The following PCP4 variants were observed in gnomAD, a reference collection of about 807,000 sequenced individuals.
The protein encoded by PCP4 is Purkinje cell protein 4, also known as calmodulin regulator protein PCP4.
In PCP4, 8 loss-of-function variants were observed where a neutral mutation model predicts 10.0. That is an observed-to-expected ratio of 0.80 (90% CI 0.47 to 1.45). The LOEUF (loss-of-function observed/expected upper bound fraction) is 1.45, where lower values mean the gene tolerates loss of function less well. Among genes scored for constraint, PCP4 ranks in the 40% most tolerant of loss-of-function variants. The pLI, the probability that PCP4 is intolerant of heterozygous loss-of-function variation, is 0.00. For missense variants in PCP4, 54 were observed against 74.4 expected, an observed-to-expected ratio of 0.73 and a Z score of 1.01; for synonymous variants, 21 against 23.0, an observed-to-expected ratio of 0.91 and a Z score of 0.24.
intron 2 of PCP4, among the ~76,000 whole-genome samples, chr21:39,908,118 A>G (rs926137526): frequency 7.9e-5 from 12 of 152,232 alleles, no homozygotes; most frequent in Non-Finnish European, 1.6e-4. Flanking sequence ...CTTCAGAAAA[A>G]AAAAGCAAGA....
intron 1 of PCP4, among the ~76,000 whole-genome samples, chr21:39,871,004 T>C (rs1183230851): frequency 6.6e-6 from 1 of 152,222 alleles, no homozygotes; most frequent in African/African-American, 2.4e-5. Context: ...TAGATACACA[T>C]GTCTGTTCTT....
intron 1 of PCP4, among the ~76,000 whole-genome samples, chr21:39,894,785 G>A (rs1281854589): frequency 1.3e-5 from 2 of 152,188 alleles, no homozygotes; most frequent in African/African-American, 4.8e-5. Flanking sequence ...GGCAACATAT[G>A]TTCTTAGGAT....
At chr21:39,910,607 G>A (rs1350043178) in intron 2 of PCP4, among the ~76,000 whole-genome samples, 2 of 152,218 alleles carry the variant, frequency 1.3e-5, no homozygotes, top group Non-Finnish European at 2.9e-5. Context: ...TTCCTCCCAG[G>A]TAACTCTGAG....
chr21:39,918,393 T>G (rs1005167794), intron 2 of PCP4, among the ~76,000 whole-genome samples: 2 of 152,104 alleles, frequency 1.3e-5, no homozygotes, highest in African/African-American at 4.8e-5. Flanking sequence ...TAATAGGAAA[T>G]AGATGACCGA....
In PCP4 at chr21:39,900,159, T is replaced by TGAGTAG. The variant is rs566803323; in HGVS notation, c.61+1633_61+1638dup. ...AAGTGATTCTCCTGCCTCAGCCTCTTGAGTAGCTGGGATTACAGGCACCCA... is the reference window on the plus strand; with the variant it reads ...AAGTGATTCTCCTGCCTCAGCCTCTTGAGTAGGAGTAGCTGGGATTACAGGCACCCA... On this transcript the variant is annotated intron_variant, in intron 2 of 2. Transcript: ENST00000328619. 8.8e-4 allele frequency among the ~76,000 whole-genome samples: 134 copies of TGAGTAG among 152,122 alleles called. 1 individual carries two copies. The highest frequency in any genetic ancestry group is 3.1e-3 in the African/African-American group (127 of 41,516).
At chr21:39,893,062 T>C (rs867348769) in intron 1 of PCP4, among the ~76,000 whole-genome samples, 1 of 152,152 alleles carries the variant, frequency 6.6e-6, no homozygotes, top group South Asian at 2.1e-4. Flanking sequence ...CATTTGGTTA[T>C]ACCTCTCAAT....
At chr21:39,926,203 C>G (rs1318182358) in intron 2 of PCP4, 1 of 338,132 alleles carries the variant, frequency 3.0e-6, no homozygotes, top group Non-Finnish European at 6.0e-6. Flanking sequence ...TTAGTGGTTT[C>G]TTTTTTAAAC....
At chr21:39,916,436 GCTTTTATTATAAGAC>G (rs909441592) in intron 2 of PCP4, among the ~76,000 whole-genome samples, 34 of 152,120 alleles carry the variant, frequency 2.2e-4, no homozygotes, top group African/African-American at 8.0e-4. Context: ...GGAAGAAAGG[GCTTTTATTATAAGAC>G]CTTTAATAAT....
chr21:39,885,353 G>A (rs374642541), intron 1 of PCP4, among the ~76,000 whole-genome samples: 38 of 152,298 alleles, frequency 2.5e-4, no homozygotes, highest in East Asian at 1.2e-3. Flanking sequence ...AGGCCTAGCC[G>A]CGAGCCTGAG....
intron 1 of PCP4, among the ~76,000 whole-genome samples, chr21:39,879,078 C>A (rs2087359515): frequency 6.6e-6 from 1 of 151,782 alleles, no homozygotes; most frequent in Non-Finnish European, 1.5e-5. Flanking sequence ...CAAAGTCCAC[C>A]TCCTGGGTTC....
chr21:39,891,750 G>A (rs1428533117), intron 1 of PCP4, among the ~76,000 whole-genome samples: 3 of 152,208 alleles, frequency 2.0e-5, no homozygotes, highest in African/African-American at 7.2e-5. Flanking sequence ...ACAGGATAGG[G>A]GGCCCTTCCC....
intron 1 of PCP4, among the ~76,000 whole-genome samples, chr21:39,880,124 A>ATCTG (rs2087366166): frequency 7.6e-6 from 1 of 131,460 alleles, no homozygotes; most frequent in African/African-American, 2.7e-5. Context: ...ATCTATATCT[A>ATCTG]TATCTGTATC....
chr21:39,903,195 G>C (rs892183883), intron 2 of PCP4, among the ~76,000 whole-genome samples: 5 of 152,136 alleles, frequency 3.3e-5, no homozygotes, highest in Non-Finnish European at 7.4e-5. Context: ...AATAAACCTC[G>C]TGATGGGGCT....
chr21:39,907,373 C>T (rs531068840), intron 2 of PCP4, among the ~76,000 whole-genome samples: 8 of 152,180 alleles, frequency 5.3e-5, no homozygotes, highest in African/African-American at 7.2e-5. Flanking sequence ...GAACATAGCT[C>T]GGGGGAGATG....
intron 1 of PCP4, among the ~76,000 whole-genome samples, chr21:39,877,330 C>T (rs2087351023): frequency 1.3e-5 from 2 of 152,056 alleles, no homozygotes; most frequent in African/African-American, 4.8e-5. Context: ...CACCCCCAGC[C>T]TCCCATCCCG....
At chr21:39,914,103 C>CTTTTTGAAAGCTG (rs1411918814) in intron 2 of PCP4, among the ~76,000 whole-genome samples, 1 of 152,180 alleles carries the variant, frequency 6.6e-6, no homozygotes, top group Non-Finnish European at 1.5e-5. Context: ...CCCAGAGTAC[C>CTTTTTGAAAGCTG]CACTTTTGAA....
At chr21:39,868,770 A>G (rs1164735486) in intron 1 of PCP4, among the ~76,000 whole-genome samples, 3 of 152,236 alleles carry the variant, frequency 2.0e-5, no homozygotes, top group Non-Finnish European at 4.4e-5. Context: ...TGAGGTCACC[A>G]GCTAAAGAAC....
At chr21:39,926,585 C>T (rs925093097) in intron 2 of PCP4, among the ~76,000 whole-genome samples, 9 of 152,122 alleles carry the variant, frequency 5.9e-5, no homozygotes, top group African/African-American at 1.7e-4. Flanking sequence ...TATAAACCAT[C>T]TTATGAAAAA....
chr21:39,884,340 C>T (rs1180949484), intron 1 of PCP4, among the ~76,000 whole-genome samples: 1 of 151,692 alleles, frequency 6.6e-6, no homozygotes, highest in Non-Finnish European at 1.5e-5. Flanking sequence ...CCACCATGCC[C>T]AGCTAATTTT....
Sources: allele counts gnomAD v4.1 joint callset (sites outside exome capture counted in the v4.1 genomes callset), GRCh38; gene constraint gnomAD v4.1.1; transcripts MANE v1.5; gene names NCBI Gene and HGNC (gene_info 2026-07-23, HGNC 2026-07-21).